PDS5A: variants seen among roughly 807,000 people sequenced by gnomAD.
The protein encoded by PDS5A is sister chromatid cohesion protein PDS5 homolog A.
In PDS5A, 42 loss-of-function variants were observed where a neutral mutation model predicts 167.1. That is an observed-to-expected ratio of 0.25 (90% CI 0.20 to 0.33). The LOEUF (loss-of-function observed/expected upper bound fraction) is 0.33, where lower values mean the gene tolerates loss of function less well. Ranked by LOEUF, PDS5A falls within the 10% of genes least tolerant of loss-of-function variation. PDS5A has a pLI of 1.00. For missense variants in PDS5A, 1,033 were observed against 1,605.9 expected (o/e 0.64, Z 6.10); for synonymous variants, 553 against 554.6 (o/e 1.00, Z 0.04).
intron 6 of PDS5A, among the ~76,000 whole-genome samples, 197 bp downstream of exon 6, chr4:39,922,425 A>ACT (rs1725069546): frequency 6.6e-6 from 1 of 152,100 alleles, no homozygotes; most frequent in Admixed American, 6.6e-5. Context: ...AATGAATGAA[A>ACT]CTCCTACATG....
chr4:39,908,805 G>T (rs1578718808), intron 10 of PDS5A: 2 of 383,174 alleles, frequency 5.2e-6, no homozygotes, highest in East Asian at 1.1e-4. Context: ...AGGCAGGCAG[G>T]TCGCACAAGC....
chr4:39,868,260 A>C (rs987449263), intron 22 of PDS5A, among the ~76,000 whole-genome samples: 2 of 152,186 alleles, frequency 1.3e-5, no homozygotes, highest in Non-Finnish European at 2.9e-5. Flanking sequence ...TCCTGGGCTC[A>C]AGCGATCCTC....
chr4:39,918,960 AC>A (rs1319618034), intron 7 of PDS5A, among the ~76,000 whole-genome samples: 8 of 152,120 alleles, frequency 5.3e-5, no homozygotes, highest in Admixed American at 1.3e-4. Flanking sequence ...ATACACACAC[AC>A]AAAAAAGCAC....
At chr4:39,897,178 G>C (rs1309373581) in intron 16 of PDS5A, among the ~76,000 whole-genome samples, 1 of 152,114 alleles carries the variant, frequency 6.6e-6, no homozygotes, top group Non-Finnish European at 1.5e-5. Context: ...TGGATCACCT[G>C]AGGTAAGGAG....
intron 26 of PDS5A, among the ~76,000 whole-genome samples, chr4:39,853,999 A>T (rs970300251): frequency 5.3e-5 from 8 of 152,196 alleles, no homozygotes; most frequent in Non-Finnish European, 1.0e-4. Flanking sequence ...TGGTATCTTC[A>T]TTTGTAAAAT....
intron 2 of PDS5A, among the ~76,000 whole-genome samples, chr4:39,948,720 C>T (rs1278814663): frequency 3.3e-5 from 5 of 149,930 alleles, no homozygotes; most frequent in African/African-American, 4.9e-5. Context: ...TGCCTCCTGG[C>T]TTCAAGCAAT....
chr4:39,926,750 GTTA>G, intron 4 of PDS5A, 22 bp downstream of exon 4: 1 of 1,281,626 alleles, frequency 7.8e-7, no homozygotes, highest in Non-Finnish European at 1.0e-6. Flanking sequence ...AATGTTAATA[GTTA>G]TTAAAGTTTT....
rs1731283849 is a variant in PDS5A at position 39,977,894 on chromosome 4, A to G, written c.-478T>C. The G allele has an allele frequency of 6.6e-6, 1 of 150,674 alleles. No individual in the cohort carries two copies. The highest frequency in any genetic ancestry group is 2.4e-5 in the African/African-American group (1 of 41,198). 9.3% of individuals were successfully genotyped at this position (150,674 alleles called of 1,614,324 possible). On this transcript the variant is annotated 5_prime_UTR_variant, in exon 1 of 33. Coordinates refer to ENST00000303538, the MANE Select transcript of PDS5A (RefSeq NM_001100399.2). This position sits in a 1 kb window ranked among gnomAD's most constrained non-coding sequence, Gnocchi z 4.2. ...CGCGCACACACCGGCCGGTCACGCG[A>G]GCGGCGCGAGAGCACGCGAGAGCAG...
intron 12 of PDS5A, 62 bp from the exon 13 acceptor site, chr4:39,902,522 A>ATTTTT (rs199900186): frequency 1.7e-6 from 1 of 597,302 alleles, no homozygotes; most frequent in Non-Finnish European, 2.8e-6. Context: ...TTAAGAAGCA[A>ATTTTT]TTTTTTTTTT....
intron 2 of PDS5A, among the ~76,000 whole-genome samples, chr4:39,964,644 G>A (rs11731141): frequency 0.22 from 33,379 of 152,206 alleles, 4,603 homozygotes; most frequent in Middle Eastern, 0.33. Flanking sequence ...GCAGTGAGCC[G>A]AGATTGTGCC....
intron 2 of PDS5A, chr4:39,976,054 T>G (rs980347622): frequency 6.5e-6 from 1 of 155,024 alleles, no homozygotes; most frequent in Non-Finnish European, 1.4e-5. Context: ...ATGCAAATTT[T>G]TAAAAAGGAC....
At chr4:39,969,314 G>T (rs542743433) in intron 2 of PDS5A, among the ~76,000 whole-genome samples, 12 of 152,116 alleles carry the variant, frequency 7.9e-5, no homozygotes, top group South Asian at 2.1e-4. Flanking sequence ...ACTACCTGTT[G>T]ACTCCAAAAT....
chr4:39,956,042 T>C (rs1728893664), intron 2 of PDS5A, among the ~76,000 whole-genome samples: 1 of 149,794 alleles, frequency 6.7e-6, no homozygotes, highest in Non-Finnish European at 1.5e-5. Flanking sequence ...TGCTTGAACA[T>C]GGGAGGCAGA....
At chr4:39,967,918 AAAACAAACAAAC>A (rs550810030) in intron 2 of PDS5A, among the ~76,000 whole-genome samples, 1 of 152,078 alleles carries the variant, frequency 6.6e-6, no homozygotes, top group African/African-American at 2.4e-5. Context: ...CTCCATCTTA[AAAACAAACAAAC>A]AAACAAACAA....
chr4:39,914,158 A>ATTTTTTTT (rs1560478626), intron 8 of PDS5A, among the ~76,000 whole-genome samples: 2 of 133,348 alleles, frequency 1.5e-5, no homozygotes, highest in Non-Finnish European at 1.6e-5. Context: ...TGATATACAA[A>ATTTTTTTT]TTTGTTTTTT....
intron 2 of PDS5A, among the ~76,000 whole-genome samples, chr4:39,943,526 G>A (rs1056448046): frequency 6.7e-6 from 1 of 150,250 alleles, no homozygotes; most frequent in African/African-American, 2.5e-5. Context: ...ACTCACACCT[G>A]TAATCCCAGC....
At chr4:39,863,953 AC>A (rs1189637196) in intron 23 of PDS5A, among the ~76,000 whole-genome samples, 1 of 152,012 alleles carries the variant, frequency 6.6e-6, no homozygotes, top group Non-Finnish European at 1.5e-5. Context: ...ACATGGTGAA[AC>A]CCTGTTTCTA....
Position 39,863,421 on chromosome 4 carries a change from C to T in PDS5A, c.2681G>A (p.Ser894Asn). 6.2e-7 allele frequency: 1 copy of T among 1,608,774 alleles called. No individual in the cohort carries two copies. The change falls in exon 24 of 33, where the codon AGT (serine) becomes AAT (asparagine). Residue 894 changes from serine to asparagine, a missense_variant. By Grantham distance (46) the Ser-to-Asn change is conservative (BLOSUM62 1). Coordinates refer to ENST00000303538, the MANE Select transcript of PDS5A (RefSeq NM_001100399.2). Reference sequence around the variant, plus strand: ...TTCCTGAGCAAGCTTCATTATGGCACTACCAGCAGCTAATCGCAAGCGAGA... The same window carrying T: ...TTCCTGAGCAAGCTTCATTATGGCATTACCAGCAGCTAATCGCAAGCGAGA... ...DMSRLRLAAG[S>N]AIMKLAQEPC...
At chr4:39,937,978 T>C (rs6835434) in intron 2 of PDS5A, among the ~76,000 whole-genome samples, 4,522 of 152,184 alleles carry the variant, frequency 0.03, 212 homozygotes, top group African/African-American at 0.1. Context: ...CCTAACCAGA[T>C]TGTAAAAAGA....
Sources: allele counts gnomAD v4.1 joint callset (sites outside exome capture counted in the v4.1 genomes callset), GRCh38; gene constraint gnomAD v4.1.1; non-coding constraint Gnocchi (gnomAD v3.1); transcripts MANE v1.5; gene names NCBI Gene and HGNC (gene_info 2026-07-23, HGNC 2026-07-21).